Variants in RBFOX1 observed in about 807,000 individuals in gnomAD.
RBFOX1 encodes RNA binding protein fox-1 homolog 1.
RBFOX1 carries 8 observed loss-of-function variants against 57.7 expected under a neutral mutation model. The observed-to-expected ratio is 0.14, with a 90% CI of 0.08 to 0.25. RBFOX1 has a LOEUF of 0.25. RBFOX1 is among the 10% of genes least tolerant of loss of function. The probability of loss-of-function intolerance (pLI) is 1.00; values close to 1 mark genes in which losing one functional copy is unlikely to be tolerated. For missense variants in RBFOX1, 611 were observed against 548.5 expected (o/e 1.11, Z -1.14); for synonymous variants, 326 against 222.4 (o/e 1.47, Z -4.15).
At chr16:7,608,126 C>A (rs1249941051) in intron 10 of RBFOX1, among the ~76,000 whole-genome samples, 2 of 152,204 alleles carry the variant, frequency 1.3e-5, no homozygotes, top group Non-Finnish European at 2.9e-5. Context: ...TAAAAGAAGT[C>A]TTTCTTTGAT....
intron 1 of RBFOX1, among the ~76,000 whole-genome samples, chr16:5,240,538 T>A: frequency 6.6e-6 from 1 of 152,174 alleles, no homozygotes; most frequent in East Asian, 1.9e-4. Flanking sequence ...CAAGCCCTGC[T>A]CTGCTGGGCT....
At chr16:7,693,434 T>TTTC in intron 14 of RBFOX1, 3 of 1,173,008 alleles carry the variant, frequency 2.6e-6, no homozygotes, top group East Asian at 2.4e-5. Context: ...TTTTTTTTTT[T>TTTC]CTTCTTCACA....
chr16:7,658,991 C>T (rs201300833), intron 12 of RBFOX1, among the ~76,000 whole-genome samples: 1 of 152,202 alleles, frequency 6.6e-6, no homozygotes, highest in South Asian at 2.1e-4. Flanking sequence ...TCCCAAAGTG[C>T]TGGGATTACA....
chr16:5,556,668 G>A (rs1025488434), intron 2 of RBFOX1, among the ~76,000 whole-genome samples: 12 of 152,122 alleles, frequency 7.9e-5, no homozygotes, highest in Admixed American at 2.0e-4. Context: ...TCTCACCCTC[G>A]GGCACCTTCC....
intron 3 of RBFOX1, among the ~76,000 whole-genome samples, chr16:5,795,114 T>C (rs2054832688): frequency 6.6e-6 from 1 of 152,148 alleles, no homozygotes; most frequent in Non-Finnish European, 1.5e-5. Flanking sequence ...ATACCTACCT[T>C]ATTATATTGT....
intron 4 of RBFOX1, among the ~76,000 whole-genome samples, chr16:7,505,078 G>A (rs2072783146): frequency 6.6e-6 from 1 of 151,448 alleles, no homozygotes; most frequent in African/African-American, 2.4e-5. Context: ...GAGGTGCTGA[G>A]TGAGTCAGAA....
intron 1 of RBFOX1, among the ~76,000 whole-genome samples, chr16:5,409,990 G>C (rs2066972597): frequency 6.6e-6 from 1 of 151,384 alleles, no homozygotes; most frequent in Non-Finnish European, 1.5e-5. Flanking sequence ...AGAGGTTGCA[G>C]TGAGCTGAGA....
In RBFOX1 at chr16:5,785,646, G is replaced by A. The variant is rs1040168643; in HGVS notation, c.319-81657G>A. Among the ~76,000 whole-genome samples the A allele has an allele frequency of 1.6e-4, 25 of 151,966 alleles. 1 individual carries two copies. Among genetic ancestry groups the A allele is most frequent in the African/African-American group, 6.0e-4 (25 of 41,376 alleles). ...GGGTTCAAGTGATTCTCCTGCCTCA[G>A]CCTCCTGAGTAGCTGGGATTACAGG... On this transcript the variant is annotated intron_variant, in intron 3 of 19. Coordinates refer to the RBFOX1 transcript ENST00000641259.
At chr16:7,710,037 A>G in intron 15 of RBFOX1, 1 of 1,003,554 alleles carries the variant, frequency 1.0e-6, no homozygotes, top group Non-Finnish European at 1.2e-6. Context: ...ATGGCCGGAC[A>G]GTTCACTGAA....
chr16:7,058,110 C>T (rs543026577), intron 4 of RBFOX1, among the ~76,000 whole-genome samples: 2 of 151,996 alleles, frequency 1.3e-5, no homozygotes, highest in South Asian at 4.2e-4. Flanking sequence ...ACATGTGCTA[C>T]CACCAACTGC....
At chr16:6,859,194 TA>T (rs2058565622) in intron 3 of RBFOX1, among the ~76,000 whole-genome samples, 1 of 106,196 alleles carries the variant, frequency 9.4e-6, no homozygotes, top group Non-Finnish European at 2.0e-5. Flanking sequence ...TGTATATATA[TA>T]TGTATATATA....
At chr16:7,545,940 A>G (rs1163502145) in intron 5 of RBFOX1, among the ~76,000 whole-genome samples, 1 of 151,444 alleles carries the variant, frequency 6.6e-6, no homozygotes, top group Non-Finnish European at 1.5e-5. Flanking sequence ...ATCAGATGTG[A>G]GCATGCCTTA....
chr16:7,204,215 C>G (rs1380518728), intron 4 of RBFOX1, among the ~76,000 whole-genome samples: 1 of 152,206 alleles, frequency 6.6e-6, no homozygotes, highest in Non-Finnish European at 1.5e-5. Flanking sequence ...ACCATCTCAT[C>G]CTACCTCTCA....
At chr16:6,736,059 G>T (rs1429076204) in intron 3 of RBFOX1, among the ~76,000 whole-genome samples, 1 of 127,348 alleles carries the variant, frequency 7.9e-6, no homozygotes, top group Non-Finnish European at 1.6e-5. Context: ...ATATTTTTCT[G>T]ATCTATCCAG....
At chr16:7,081,842 C>T (rs779341592) in intron 4 of RBFOX1, among the ~76,000 whole-genome samples, 10 of 152,130 alleles carry the variant, frequency 6.6e-5, no homozygotes, top group African/African-American at 2.4e-4. Context: ...TATGTTTAAC[C>T]ATCTTCCTGT....
chr16:7,519,459 G>C (rs1464719786), intron 5 of RBFOX1, among the ~76,000 whole-genome samples: 1 of 152,156 alleles, frequency 6.6e-6, no homozygotes, highest in African/African-American at 2.4e-5. Flanking sequence ...TGATGAAATG[G>C]ATTAGAAACA....
intron 1 of RBFOX1, among the ~76,000 whole-genome samples, chr16:6,202,049 T>C (rs1357781486): frequency 6.6e-6 from 1 of 152,122 alleles, no homozygotes. Flanking sequence ...CTTCATCATG[T>C]GCCCAACTGC....
intron 3 of RBFOX1, among the ~76,000 whole-genome samples, chr16:6,953,273 A>C (rs930200643): frequency 1.3e-5 from 2 of 152,182 alleles, no homozygotes; most frequent in Non-Finnish European, 2.9e-5. Context: ...TCAAACATAT[A>C]CACCGAAATA....
At chr16:6,616,768 C>T (rs190814533) in intron 2 of RBFOX1, among the ~76,000 whole-genome samples, 1 of 152,174 alleles carries the variant, frequency 6.6e-6, no homozygotes, top group Non-Finnish European at 1.5e-5. Flanking sequence ...AAAGGCAGGG[C>T]TTTTCTGACA....
Sources: allele counts gnomAD v4.1 joint callset (sites outside exome capture counted in the v4.1 genomes callset), GRCh38; gene constraint gnomAD v4.1.1; transcripts MANE v1.5; gene names NCBI Gene and HGNC (gene_info 2026-07-23, HGNC 2026-07-21).